PEX26: variants seen among roughly 807,000 people sequenced by gnomAD.
PEX26 encodes the protein peroxisomal biogenesis factor 26.
Under a neutral mutation model 31.4 loss-of-function variants are expected in PEX26, and 18 were observed. That is an observed-to-expected ratio of 0.57 (90% CI 0.40 to 0.85). PEX26 has a LOEUF of 0.85. Among genes scored for constraint, PEX26 ranks in the 40% least tolerant of loss-of-function variants. The pLI, the probability that PEX26 is intolerant of heterozygous loss-of-function variation, is 0.00. For synonymous variants in PEX26, 176 were observed against 166.9 expected (o/e 1.05, Z -0.42); for missense variants, 377 against 383.9 (o/e 0.98, Z 0.15).
intron 4 of PEX26, among the ~76,000 whole-genome samples, chr22:18,085,572 TA>T (rs925942585): frequency 6.6e-6 from 1 of 151,986 alleles, no homozygotes; most frequent in African/African-American, 2.4e-5. Flanking sequence ...CCTCAGAATT[TA>T]AAAAAACTTC....
intron 2 of PEX26, chr22:18,081,411 T>G (rs772735415): frequency 1.3e-5 from 2 of 153,142 alleles, no homozygotes; most frequent in Non-Finnish European, 2.9e-5. Context: ...TTTTTTCACC[T>G]GGCCATTCTT....
chr22:18,104,160 G>A lies in PEX26; in HGVS notation c.*16085G>A, dbSNP rs1927544705. 1.3e-5 allele frequency: 2 copies of A among 152,158 alleles called. No homozygotes were observed. Among genetic ancestry groups the A allele is most frequent in the Admixed American group, 1.3e-4 (2 of 15,258 alleles). The allele number at this position is 152,158 out of a possible 1,614,324, so 9.4% of individuals were successfully genotyped here. A position where few individuals can be genotyped will look rare whatever the true frequency, so the allele number is the denominator to read the frequency against. ...CTACACAATACCAAGAGCAGGAGGG[G>A]ATGACCGACGGCTTCATCTTTCCTA... On this transcript the variant is annotated 3_prime_UTR_variant, in exon 5 of 5. Transcript: ENST00000399744.
rs1448197287 is a variant in PEX26 at position 18,094,693 on chromosome 22, C to G, written c.*6618C>G. On this transcript the variant is annotated 3_prime_UTR_variant, in exon 5 of 5. Transcript: ENST00000399744. ...GGCCATCCCTTCTTTGGCTTCTTGC[C>G]TTGTCTCTGACCCCACTGACTGCCC... 1 of 152,110 alleles carries G rather than the reference C, an allele frequency of 6.6e-6. No homozygotes were observed. The highest frequency in any genetic ancestry group is 1.9e-4 in the East Asian group (1 of 5,200). The allele number at this position is 152,110 out of a possible 1,614,324, so 9.4% of individuals were successfully genotyped here. A position where few individuals can be genotyped will look rare whatever the true frequency, so the allele number is the denominator to read the frequency against.
rs142031525 is a variant in PEX26 at position 18,083,271 on chromosome 22, G to A, written c.372-166G>A. On this transcript the variant is annotated intron_variant, in intron 2 of 4. Transcript: ENST00000399744. The stretch of plus-strand genomic sequence containing the variant: ...TCCCATTGATTATGCTGTTAGTGAT[G>A]GGTGTGTCGTGGGGAATTCCCATGA... Among the ~76,000 whole-genome samples the A allele has an allele frequency of 1.4e-3, 216 of 152,276 alleles. 8 individuals are homozygous for A. In the South Asian group the frequency reaches 0.024, roughly 17 times the overall value.
Position 18,098,573 on chromosome 22 carries a change from AG to A in PEX26, c.*10499del, listed in dbSNP as rs1474044393. 1 of 152,058 alleles carries A rather than the reference AG, an allele frequency of 6.6e-6. No homozygotes were observed. The highest frequency in any genetic ancestry group is 1.5e-5 in the Non-Finnish European group (1 of 68,028). The allele number at this position is 152,058 out of a possible 1,614,324, so 9.4% of individuals were successfully genotyped here. The stretch of plus-strand genomic sequence containing the variant: ...CTGGAACCTGGGAGGCAGAGGTTGC[AG>A]TGAGCTGAGATCCTGCCACTGCACT... On this transcript the variant is annotated 3_prime_UTR_variant, in exon 5 of 5. Transcript: ENST00000399744.
chr22:18,080,731 G>T (rs1926539629), intron 2 of PEX26, among the ~76,000 whole-genome samples: 1 of 152,086 alleles, frequency 6.6e-6, no homozygotes, highest in Non-Finnish European at 1.5e-5. Flanking sequence ...GATCAAATCA[G>T]GGTAGTTAGC....
rs1229668832 is a variant in PEX26, at chr22:18,096,501, C to T, written c.*8426C>T. ...TGGCACGATCTCAGCTCACTGCAAG[C>T]TCTGCCTCCCAGGTTCATGCCATTC... On this transcript the variant is annotated 3_prime_UTR_variant, in exon 5 of 5. Coordinates refer to ENST00000399744, the MANE Select transcript of PEX26 (RefSeq NM_001127649.3). The T allele has an allele frequency of 6.6e-6, 1 of 151,862 alleles. No individual in the cohort carries two copies. The allele number at this position is 151,862 out of a possible 1,614,324, so 9.4% of individuals were successfully genotyped here.
At position 18,094,857 on chromosome 22, in the gene PEX26, T is replaced by C. The variant is rs1927246515; in HGVS notation, c.*6782T>C. 6.6e-6 allele frequency: 1 copy of C among 151,682 alleles called. No individual in the cohort carries two copies. The allele number at this position is 151,682 out of a possible 1,614,324, so 9.4% of individuals were successfully genotyped here. A position where few individuals can be genotyped will look rare whatever the true frequency, so the allele number is the denominator to read the frequency against. The stretch of plus-strand genomic sequence containing the variant: ...GTGCAGTGGTGCGATCTCGGCTCAC[T>C]GCACCCTCCTCTTGGGTTCAAGCCA... On this transcript the variant is annotated 3_prime_UTR_variant, in exon 5 of 5. Coordinates refer to ENST00000399744, the MANE Select transcript of PEX26 (RefSeq NM_001127649.3).
In PEX26 at chr22:18,093,277, C is replaced by T. The variant is rs1927174758; in HGVS notation, c.*5202C>T. 1 of 152,014 alleles carries T rather than the reference C, an allele frequency of 6.6e-6. No individual in the cohort carries two copies. Among genetic ancestry groups the T allele is most frequent in the Admixed American group, 6.6e-5 (1 of 15,262 alleles). 9.4% of individuals were successfully genotyped at this position (152,014 alleles called of 1,614,324 possible). A position where few individuals can be genotyped will look rare whatever the true frequency, so the allele number is the denominator to read the frequency against. On this transcript the variant is annotated 3_prime_UTR_variant, in exon 5 of 5. Transcript: ENST00000399744. ...ATTTCATTTAAATTAAAGAAAAAAA[C>T]CTGGCCGGGCGCGGTGGCTCACGCC...
Position 18,103,937 on chromosome 22 carries a change from T to G in PEX26, c.*15862T>G, listed in dbSNP as rs1211289380. ...TGGGTTTTTCTCTTGGGCTGGTTTT[T>G]GAAAGTGGATCTACAACATTGATAG... On this transcript the variant is annotated 3_prime_UTR_variant, in exon 5 of 5. Coordinates refer to ENST00000399744, the MANE Select transcript of PEX26 (RefSeq NM_001127649.3). The G allele has an allele frequency of 1.3e-5, 2 of 152,168 alleles. No individual in the cohort carries two copies. The highest frequency in any genetic ancestry group is 2.9e-5 in the Non-Finnish European group (2 of 68,044). 9.4% of individuals were successfully genotyped at this position (152,168 alleles called of 1,614,324 possible).
intron 2 of PEX26, chr22:18,081,594 CG>C (rs1433257488): frequency 3.6e-5 from 6 of 165,580 alleles, no homozygotes; most frequent in African/African-American, 9.7e-5. Context: ...GTACCAGAAG[CG>C]GGACTTGGCA....
intron 1 of PEX26, chr22:18,079,063 TG>T (rs1926439783): frequency 4.9e-6 from 1 of 205,026 alleles, no homozygotes; most frequent in Admixed American, 6.5e-5. Context: ...GGCCGGGAGC[TG>T]GGGCTTACGC....
In PEX26 at chr22:18,096,063, T is replaced by TC. The variant is rs1927282720; in HGVS notation, c.*7989dup. The TC allele has an allele frequency of 6.6e-6, 1 of 152,256 alleles. No individual in the cohort carries two copies. The highest frequency in any genetic ancestry group is 1.5e-5 in the Non-Finnish European group (1 of 68,080). 9.4% of individuals were successfully genotyped at this position (152,256 alleles called of 1,614,324 possible). ...GTCTTGAACTCTTGACCTCAAGTGA[T>TC]CTGCATGCCTCACCTCCCAAAGTGT... On this transcript the variant is annotated 3_prime_UTR_variant, in exon 5 of 5. Transcript: ENST00000399744.
rs1927581152 is a variant in PEX26 at position 18,105,243 on chromosome 22, T to C, written c.*17168T>C. 1 of 152,208 alleles carries C rather than the reference T, an allele frequency of 6.6e-6. No homozygotes were observed. Among genetic ancestry groups the C allele is most frequent in the South Asian group, 2.1e-4 (1 of 4,838 alleles). 9.4% of individuals were successfully genotyped at this position (152,208 alleles called of 1,614,324 possible). On this transcript the variant is annotated 3_prime_UTR_variant, in exon 5 of 5. Coordinates refer to ENST00000399744, the MANE Select transcript of PEX26 (RefSeq NM_001127649.3). ...AAGCCTCTCTATGAAAGGTTTGCCC[T>C]TCCAGATCCAGTTGAGCTCTGCTCT...
rs1927271872 is a variant in PEX26, at chr22:18,095,743, A to G, written c.*7668A>G. On this transcript the variant is annotated 3_prime_UTR_variant, in exon 5 of 5. Coordinates refer to ENST00000399744, the MANE Select transcript of PEX26 (RefSeq NM_001127649.3). ...TTTTGAGAAACAAGGCCTAACCCCA[A>G]TGGAGTAATTTGCTGCGTAAATGAG... 6.7e-6 allele frequency: 1 copy of G among 150,168 alleles called. No individual in the cohort carries two copies. Among genetic ancestry groups the G allele is most frequent in the South Asian group, 2.1e-4 (1 of 4,756 alleles). 9.3% of individuals were successfully genotyped at this position (150,168 alleles called of 1,614,324 possible). A position where few individuals can be genotyped will look rare whatever the true frequency, so the allele number is the denominator to read the frequency against.
At position 18,090,486 on chromosome 22, in the gene PEX26, G is replaced by C. The variant is rs1328083063; in HGVS notation, c.*2411G>C. 6.6e-6 allele frequency: 1 copy of C among 152,404 alleles called. No homozygotes were observed. The highest frequency in any genetic ancestry group is 2.4e-5 in the African/African-American group (1 of 41,442). 9.4% of individuals were successfully genotyped at this position (152,404 alleles called of 1,614,324 possible). ...CCTGGTGAGCCCCTCCACCTTCCAG[G>C]CTTACTCAAAGAATTCTTTCTGCCC... On this transcript the variant is annotated 3_prime_UTR_variant, in exon 5 of 5. Transcript: ENST00000399744.
In PEX26 at chr22:18,079,858, G is replaced by T; in HGVS notation, c.231-16G>T. 1.2e-6 allele frequency: 2 copies of T among 1,614,078 alleles called. No individual in the cohort carries two copies. Among genetic ancestry groups the T allele is most frequent in the Non-Finnish European group, 1.7e-6 (2 of 1,180,004 alleles). ...GGGGAACCACTTCTAACTGAAATTGGTTTTTCTGCTGACAGCTCATTGGAG... is the reference window on the plus strand; with the variant it reads ...GGGGAACCACTTCTAACTGAAATTGTTTTTTCTGCTGACAGCTCATTGGAG... On this transcript the variant is annotated splice_polypyrimidine_tract_variant and intron_variant, in intron 1 of 4. Coordinates refer to ENST00000399744, the MANE Select transcript of PEX26 (RefSeq NM_001127649.3).
intron 2 of PEX26, among the ~76,000 whole-genome samples, chr22:18,080,585 A>G (rs182485905): frequency 6.6e-6 from 1 of 152,164 alleles, no homozygotes; most frequent in African/African-American, 2.4e-5. Context: ...CTGCCTCGGC[A>G]TCCCAAAGTG....
chr22:18,090,560 C>G lies in PEX26; in HGVS notation c.*2485C>G, dbSNP rs1927051225. On this transcript the variant is annotated 3_prime_UTR_variant, in exon 5 of 5. Coordinates refer to ENST00000399744, the MANE Select transcript of PEX26 (RefSeq NM_001127649.3). ...TCATATCGCTTCTGTGGTCGTGACC[C>G]CATGGTCTTGTAATTGTGAACTTCT... 6.6e-6 allele frequency: 1 copy of G among 152,256 alleles called. No homozygotes were observed. Among genetic ancestry groups the G allele is most frequent in the Non-Finnish European group, 1.5e-5 (1 of 68,088 alleles). 9.4% of individuals were successfully genotyped at this position (152,256 alleles called of 1,614,324 possible).
Sources: gnomAD v4.1 joint callset for allele counts (sites outside exome capture counted in the v4.1 genomes callset) on GRCh38, gnomAD v4.1.1 for gene constraint, MANE v1.5 for transcripts, NCBI Gene and HGNC (gene_info 2026-07-23, HGNC 2026-07-21) for gene names.